Variants in NOL4 observed in about 807,000 individuals in gnomAD.
The protein encoded by NOL4 is cancer/testis antigen 125.
Under a neutral mutation model 75.9 loss-of-function variants are expected in NOL4, and 17 were observed. The ratio of observed to expected loss-of-function variants is 0.22; its 90% CI spans 0.15 to 0.34. The LOEUF is 0.34. Ranked by LOEUF, NOL4 falls within the 10% of genes least tolerant of loss-of-function variation. NOL4 has a pLI of 1.00. For missense variants in NOL4, 614 were observed against 793.5 expected, an observed-to-expected ratio of 0.77 and a Z score of 2.72; for synonymous variants, 292 against 289.9, an observed-to-expected ratio of 1.01 and a Z score of -0.07.
chr18:33,922,861 CCA>C (rs1344892107), intron 9 of NOL4, among the ~76,000 whole-genome samples: 1 of 152,052 alleles, frequency 6.6e-6, no homozygotes, highest in Non-Finnish European at 1.5e-5. Flanking sequence ...ATAACATAAA[CCA>C]AATGTACTTT....
intron 2 of NOL4, among the ~76,000 whole-genome samples, chr18:34,108,938 G>A (rs555361805): frequency 6.6e-6 from 1 of 152,202 alleles, no homozygotes; most frequent in South Asian, 2.1e-4. Context: ...TAGATCATAT[G>A]TTAGGCCACA....
intron 4 of NOL4, among the ~76,000 whole-genome samples, chr18:34,095,438 C>T (rs1351418892): frequency 6.6e-6 from 1 of 151,940 alleles, no homozygotes; most frequent in Non-Finnish European, 1.5e-5. Context: ...TATTTACTTT[C>T]TGTGATGTCA....
intron 9 of NOL4, among the ~76,000 whole-genome samples, chr18:33,927,152 C>CT (rs1315915483): frequency 6.6e-6 from 1 of 152,058 alleles, no homozygotes; most frequent in African/African-American, 2.4e-5. Context: ...CCAGAGTGTA[C>CT]TACTCTGTTT....
intron 5 of NOL4, among the ~76,000 whole-genome samples, chr18:34,049,035 T>C (rs1168783280): frequency 6.7e-6 from 1 of 148,890 alleles, no homozygotes; most frequent in African/African-American, 2.5e-5. Context: ...TTGTATATCA[T>C]CACCATTGTA....
intron 5 of NOL4, among the ~76,000 whole-genome samples, chr18:34,029,962 C>T (rs1250223070): frequency 2.0e-5 from 3 of 152,120 alleles, no homozygotes; most frequent in Non-Finnish European, 2.9e-5. Context: ...AAAAGTTCCA[C>T]AAATTTTCAC....
intron 9 of NOL4, among the ~76,000 whole-genome samples, chr18:33,922,852 T>C (rs552337622): frequency 8.3e-4 from 126 of 152,314 alleles, no homozygotes; most frequent in South Asian, 3.5e-3. Context: ...ATTTGATTCA[T>C]AACATAAACC....
At chr18:34,108,810 A>G (rs2145722261) in intron 2 of NOL4, among the ~76,000 whole-genome samples, 1 of 152,302 alleles carries the variant, frequency 6.6e-6, no homozygotes, top group Middle Eastern at 3.4e-3. Context: ...GAATAAGGAA[A>G]CAGCAGACTT....
chr18:33,978,802 A>G (rs1352831923), intron 6 of NOL4, among the ~76,000 whole-genome samples: 1 of 151,798 alleles, frequency 6.6e-6, no homozygotes, highest in African/African-American at 2.4e-5. Context: ...AATAATTATT[A>G]TATTTTTGTT....
Position 33,958,272 on chromosome 18 carries a change from G to C in NOL4, c.1203C>G (p.Asp401Glu). Residue 401 changes from aspartate (D) to glutamate (E), a missense_variant, in exon 7 of 11, where the codon GAC (aspartate) becomes GAG (glutamate). Around this residue, in one of 9 missense-constraint regions of NOL4, gnomAD observed 196 missense variants for 167.9 expected, o/e 1.17. Coordinates refer to ENST00000261592, the MANE Select transcript of NOL4 (RefSeq NM_003787.5). The stretch of plus-strand genomic sequence containing the variant: ...CTTTCAGCCGCTCGGCTTCAACGCC[G>C]TCTGTCTCATTAACTTTCTCCGAAT... ...HDDSEKVNET[D>E]GVEAERLKAF... 1.9e-6 allele frequency: 3 copies of C among 1,613,640 alleles called. No individual in the cohort carries two copies. Among genetic ancestry groups the C allele is most frequent in the Non-Finnish European group, 2.5e-6 (3 of 1,179,674 alleles).
intron 1 of NOL4, among the ~76,000 whole-genome samples, chr18:34,164,333 A>T: frequency 6.6e-6 from 1 of 152,150 alleles, no homozygotes; most frequent in Non-Finnish European, 1.5e-5. Context: ...AATTTTCACA[A>T]CCTACTCATC....
At chr18:34,030,766 T>C in intron 5 of NOL4, among the ~76,000 whole-genome samples, 1 of 152,242 alleles carries the variant, frequency 6.6e-6, no homozygotes, top group African/African-American at 2.4e-5. Flanking sequence ...GATATACTAA[T>C]TACTCTGATC....
intron 1 of NOL4, among the ~76,000 whole-genome samples, chr18:34,155,098 A>C (rs192982013): frequency 4.9e-4 from 74 of 152,106 alleles, no homozygotes; most frequent in Middle Eastern, 3.4e-3. Context: ...AAAGGATGAC[A>C]AGAGTAGCTC....
chr18:33,905,403 G>A lies in NOL4; in HGVS notation c.1543-21979C>T, dbSNP rs78624896. Reference sequence around the variant, plus strand: ...TTAAAGCCATGGGTATATCATACTTGGGTCAGGTCACCCCACCATTCCAGA... The same window carrying A: ...TTAAAGCCATGGGTATATCATACTTAGGTCAGGTCACCCCACCATTCCAGA... On this transcript the variant is annotated intron_variant, in intron 9 of 10. Transcript: ENST00000261592. Among the ~76,000 whole-genome samples the A allele has an allele frequency of 5.1e-4, 78 of 152,236 alleles. No individual in the cohort carries two copies. The East Asian group carries it at 0.013, about 25-fold the overall frequency.
chr18:33,913,322 T>A (rs1380264284), intron 9 of NOL4, among the ~76,000 whole-genome samples: 1 of 152,094 alleles, frequency 6.6e-6, no homozygotes, highest in Non-Finnish European at 1.5e-5. Context: ...AAATATTGAG[T>A]AACAAAGGGG....
chr18:34,067,487 A>G (rs950055660), intron 5 of NOL4, among the ~76,000 whole-genome samples: 1 of 152,234 alleles, frequency 6.6e-6, no homozygotes, highest in Non-Finnish European at 1.5e-5. Context: ...CAAGAGTAGA[A>G]GCAAGGAGAT....
At chr18:34,057,977 C>T (rs546567874) in intron 5 of NOL4, among the ~76,000 whole-genome samples, 3 of 152,156 alleles carry the variant, frequency 2.0e-5, no homozygotes, top group African/African-American at 7.2e-5. Flanking sequence ...TGATAATTTT[C>T]CAGTTATTTT....
chr18:34,133,022 C>G (rs963377289), intron 1 of NOL4, among the ~76,000 whole-genome samples: 6 of 151,984 alleles, frequency 3.9e-5, no homozygotes, highest in Non-Finnish European at 8.8e-5. Context: ...GTAATCTCAG[C>G]AATTTGGGAG....
intron 5 of NOL4, among the ~76,000 whole-genome samples, chr18:34,023,046 T>A (rs2075134094): frequency 6.6e-6 from 1 of 152,182 alleles, no homozygotes; most frequent in Non-Finnish European, 1.5e-5. Context: ...TTCAACAGCG[T>A]TACATATTTC....
At chr18:34,163,149 A>G (rs934377058) in intron 1 of NOL4, among the ~76,000 whole-genome samples, 1 of 152,234 alleles carries the variant, frequency 6.6e-6, no homozygotes, top group African/African-American at 2.4e-5. Context: ...GAATAGGCAA[A>G]AGCTGGAAGC....
Sources: gnomAD v4.1 joint callset for allele counts (sites outside exome capture counted in the v4.1 genomes callset) on GRCh38, gnomAD v4.1.1 for gene constraint, gnomAD v4.1.1 regional missense constraint, MANE v1.5 for transcripts, NCBI Gene and HGNC (gene_info 2026-07-23, HGNC 2026-07-21) for gene names.